Variants in PTGIS observed in about 807,000 individuals in gnomAD.
PTGIS encodes the protein prostaglandin I2 synthase.
In PTGIS, 45 loss-of-function variants were observed where a neutral mutation model predicts 50.3. That is an observed-to-expected ratio of 0.90 (90% CI 0.70 to 1.15). The LOEUF (loss-of-function observed/expected upper bound fraction) is 1.15. Among genes scored for constraint, PTGIS ranks in the 50% most tolerant of loss-of-function variants. The pLI is 0.00. For missense variants in PTGIS, 668 were observed against 661.3 expected (o/e 1.01, Z -0.11); for synonymous variants, 260 against 267.7 (o/e 0.97, Z 0.28).
chr20:49,533,679 G>A (rs1448397592), intron 5 of PTGIS, among the ~76,000 whole-genome samples: 3 of 152,100 alleles, frequency 2.0e-5, no homozygotes, highest in Non-Finnish European at 4.4e-5. Flanking sequence ...AAAAATGGCC[G>A]GGTGTGGTGG....
chr20:49,521,231 C>T (rs1981644295), intron 6 of PTGIS, among the ~76,000 whole-genome samples: 1 of 152,120 alleles, frequency 6.6e-6, no homozygotes, highest in Non-Finnish European at 1.5e-5. Context: ...ATGAGTAAAC[C>T]GAGGTGCTCA....
At position 49,547,898 on chromosome 20, in the gene PTGIS, A is replaced by C. The variant is rs1172869982; in HGVS notation, c.320T>G (p.Ile107Ser). ...HAYAIFLMER[I>S]FDVQLPHYSP... is the part of the protein sequence containing the mutation. ...GTAATGTGGAAGCTGCACATCAAAA[A>C]TCCTCTCCATGAGGAAGATGGCATA... Residue 107 changes from isoleucine to serine, a missense_variant, in exon 3 of 10, where the codon ATT becomes AGT. Ile to Ser is a moderately radical substitution (Grantham distance 142). Transcript: ENST00000244043. 2 of 1,614,060 alleles carry C rather than the reference A, an allele frequency of 1.2e-6. No individual in the cohort carries two copies. Among genetic ancestry groups the C allele is most frequent in the South Asian group, 2.2e-5 (2 of 91,082 alleles).
intron 5 of PTGIS, among the ~76,000 whole-genome samples, chr20:49,537,945 A>G (rs1982122653): frequency 6.6e-6 from 1 of 152,128 alleles, no homozygotes. Context: ...ATGAAATACT[A>G]TACGGCAATA....
Position 49,503,882 on chromosome 20 carries a change from A to G in PTGIS, c.*4038T>C, listed in dbSNP as rs1981064501. On this transcript the variant is annotated 3_prime_UTR_variant, in exon 10 of 10. Transcript: ENST00000244043. Reference sequence around the variant, plus strand: ...ATCACACTCAGAGGCAGTTCCACAAACAAAGATGGTTTAATAGATTTCAGC... The same window carrying G: ...ATCACACTCAGAGGCAGTTCCACAAGCAAAGATGGTTTAATAGATTTCAGC... 6.6e-6 allele frequency: 1 copy of G among 152,266 alleles called. No individual in the cohort carries two copies. Among genetic ancestry groups the G allele is most frequent in the African/African-American group, 2.4e-5 (1 of 41,478 alleles). 9.4% of individuals were successfully genotyped at this position (152,266 alleles called of 1,614,324 possible).
chr20:49,541,841 A>G (rs561315727), intron 4 of PTGIS, among the ~76,000 whole-genome samples: 1 of 152,334 alleles, frequency 6.6e-6, no homozygotes, highest in South Asian at 2.1e-4. Flanking sequence ...CTCCATATCA[A>G]AAGAGCACGG....
At chr20:49,518,446 A>G (rs1038084711) in intron 6 of PTGIS, among the ~76,000 whole-genome samples, 4 of 152,240 alleles carry the variant, frequency 2.6e-5, no homozygotes, top group African/African-American at 9.6e-5. Context: ...TGGAAGAGAA[A>G]AAGAATATTA....
At chr20:49,553,894 G>C (rs1982567215) in intron 1 of PTGIS, among the ~76,000 whole-genome samples, 1 of 152,070 alleles carries the variant, frequency 6.6e-6, no homozygotes, top group Non-Finnish European at 1.5e-5. Context: ...AATGGTTTGT[G>C]TAAGTCATAA....
rs774153422 is a variant in PTGIS at position 49,548,074 on chromosome 20, T to C, written c.199-55A>G. On this transcript the variant is annotated intron_variant, in intron 2 of 9. Coordinates refer to ENST00000244043, the MANE Select transcript of PTGIS (RefSeq NM_000961.4). ...GAGTGTCACTGTGAACAGCAGCCGC[T>C]CTCAGTGGTCAGGGCCTTACTGTGT... 3 of 1,545,300 alleles carry C rather than the reference T, an allele frequency of 1.9e-6. No individual in the cohort carries two copies. The East Asian group carries it at 6.8e-5, about 35-fold the overall frequency.
intron 4 of PTGIS, among the ~76,000 whole-genome samples, chr20:49,542,358 G>C (rs912636658): frequency 1.3e-5 from 2 of 152,236 alleles, no homozygotes; most frequent in African/African-American, 4.8e-5. Context: ...ATTGATGGCA[G>C]TGGAAAGGCC....
At chr20:49,544,889 C>A (rs1318985242) in intron 3 of PTGIS, among the ~76,000 whole-genome samples, 3 of 152,196 alleles carry the variant, frequency 2.0e-5, no homozygotes, top group Non-Finnish European at 4.4e-5. Flanking sequence ...AGAGAAGGAA[C>A]TGAAAAGCAA....
At chr20:49,558,110 T>C (rs1039963955) in intron 1 of PTGIS, among the ~76,000 whole-genome samples, 35 of 152,174 alleles carry the variant, frequency 2.3e-4, no homozygotes, top group African/African-American at 8.0e-4. Flanking sequence ...AAAATAAGGC[T>C]GGGCATGGTG....
intron 8 of PTGIS, 32 bp downstream of exon 8, chr20:49,513,048 A>G (rs1372444881): frequency 6.2e-7 from 1 of 1,612,794 alleles, no homozygotes; most frequent in African/African-American, 1.3e-5. Flanking sequence ...TCTCCCACAG[A>G]CCCCATATGA....
At chr20:49,518,101 T>A (rs1449092695) in intron 6 of PTGIS, among the ~76,000 whole-genome samples, 1 of 152,250 alleles carries the variant, frequency 6.6e-6, no homozygotes, top group African/African-American at 2.4e-5. Flanking sequence ...GGAGACCCTC[T>A]GAGGATGTAG....
At chr20:49,549,949 G>T in intron 2 of PTGIS, 117 bp downstream of exon 2, 1 of 1,543,364 alleles carries the variant, frequency 6.5e-7, no homozygotes, top group African/African-American at 1.4e-5. Flanking sequence ...TCAGATGGAT[G>T]TTGGATGGTG....
chr20:49,544,084 G>A (rs1014103174), intron 4 of PTGIS, among the ~76,000 whole-genome samples: 2 of 152,170 alleles, frequency 1.3e-5, no homozygotes, highest in African/African-American at 4.8e-5. Context: ...GACCTGTAAG[G>A]TCCCATTTCC....
chr20:49,507,632 T>G lies in PTGIS; in HGVS notation c.*288A>C. ...CTAGTTCTGCCTTATCTGAATAGCA[T>G]TTGTGGATATCACGAGGTGAGAGTA... On this transcript the variant is annotated 3_prime_UTR_variant, in exon 10 of 10. Transcript: ENST00000244043. 4.1e-6 allele frequency: 2 copies of G among 483,478 alleles called. No homozygotes were observed. The highest frequency in any genetic ancestry group is 7.6e-6 in the Non-Finnish European group (2 of 263,464). The allele number at this position is 483,478 out of a possible 1,614,324, so 29.9% of individuals were successfully genotyped here.
At chr20:49,549,971 T>C (rs1376478978) in intron 2 of PTGIS, 95 bp downstream of exon 2, 7 of 1,590,788 alleles carry the variant, frequency 4.4e-6, no homozygotes, top group Middle Eastern at 1.7e-4. Flanking sequence ...GGTGGGGGGG[T>C]TGGCATAGGG....
intron 5 of PTGIS, among the ~76,000 whole-genome samples, chr20:49,534,501 C>T (rs879407345): frequency 1.3e-5 from 2 of 152,072 alleles, no homozygotes; most frequent in Admixed American, 6.6e-5. Flanking sequence ...AGTTCCTCTG[C>T]GTCTAATCAG....
At chr20:49,551,018 T>C (rs1462719309) in intron 1 of PTGIS, among the ~76,000 whole-genome samples, 1 of 152,052 alleles carries the variant, frequency 6.6e-6, no homozygotes, top group Non-Finnish European at 1.5e-5. Context: ...GGCCCGGCCA[T>C]CATGATGAAA....
Sources: allele counts gnomAD v4.1 joint callset (sites outside exome capture counted in the v4.1 genomes callset), GRCh38; gene constraint gnomAD v4.1.1; transcripts MANE v1.5; gene names NCBI Gene and HGNC (gene_info 2026-07-23, HGNC 2026-07-21).